Variants in VRK2 observed in about 807,000 individuals in gnomAD.
VRK2 encodes VRK serine/threonine kinase 2, also known as serine/threonine-protein kinase VRK2.
In VRK2, 60 loss-of-function variants were observed where a neutral mutation model predicts 57.6. That is an observed-to-expected ratio of 1.04 (90% CI 0.85 to 1.29). The LOEUF is 1.29. VRK2 is among the 50% of genes most tolerant of loss of function. The pLI is 0.00. For missense variants in VRK2, 705 were observed against 588.1 expected (o/e 1.20, Z -2.06); for synonymous variants, 231 against 199.2 (o/e 1.16, Z -1.35).
intron 2 of VRK2, among the ~76,000 whole-genome samples, chr2:58,082,037 C>T (rs939539875): frequency 4.0e-5 from 6 of 151,746 alleles, no homozygotes; most frequent in African/African-American, 9.7e-5. Context: ...ATGAAGCACC[C>T]GTCTCTAAGA....
At chr2:58,146,580 G>T in intron 12 of VRK2, 106 bp downstream of exon 12, 3 of 1,312,118 alleles carry the variant, frequency 2.3e-6, no homozygotes, top group Non-Finnish European at 2.0e-6. Flanking sequence ...AGGTTGTATG[G>T]TTTTGTTAAA....
At chr2:58,086,470 C>G (rs758208420) in intron 5 of VRK2, 44 bp downstream of exon 5, 2 of 1,493,516 alleles carry the variant, frequency 1.3e-6, no homozygotes, top group African/African-American at 2.9e-5. Context: ...TATAACTATT[C>G]CTTATGTGGT....
chr2:58,134,567 C>T (rs576685766), intron 9 of VRK2, among the ~76,000 whole-genome samples: 3 of 148,562 alleles, frequency 2.0e-5, no homozygotes, highest in Admixed American at 6.7e-5. Flanking sequence ...GCCGAGATTG[C>T]GCCACTGCAG....
intron 2 of VRK2, among the ~76,000 whole-genome samples, chr2:58,056,239 A>G (rs1358686700): frequency 1.3e-5 from 2 of 152,084 alleles, no homozygotes; most frequent in Non-Finnish European, 2.9e-5. Flanking sequence ...TTGCTTTTTC[A>G]CTGTGTAAAC....
At chr2:57,994,723 A>G (rs56136700) in intron 1 of VRK2, among the ~76,000 whole-genome samples, 18,554 of 152,148 alleles carry the variant, frequency 0.12, 1,201 homozygotes, top group East Asian at 0.19. Flanking sequence ...TATATCTTTC[A>G]ATATTTGCTA....
chr2:57,981,858 T>C (rs556629106), intron 1 of VRK2, among the ~76,000 whole-genome samples: 5 of 152,206 alleles, frequency 3.3e-5, no homozygotes, highest in Admixed American at 6.5e-5. Flanking sequence ...TTCCTTGCCA[T>C]CCAGATTATG....
chr2:57,981,951 A>G (rs1672435246), intron 1 of VRK2, among the ~76,000 whole-genome samples: 1 of 152,220 alleles, frequency 6.6e-6, no homozygotes, highest in African/African-American at 2.4e-5. Context: ...GGAGTAAAGA[A>G]AACACTCTGC....
In VRK2 at chr2:57,950,766, G is replaced by A. The variant is rs962028075; in HGVS notation, c.-439+42927G>A. Reference sequence around the variant, plus strand: ...CGGGGAAAATAAATTTAAAATCTCCGTAAAGGATCAACCATTCTAGACGCC... The same window carrying A: ...CGGGGAAAATAAATTTAAAATCTCCATAAAGGATCAACCATTCTAGACGCC... On this transcript the variant is annotated intron_variant, in intron 1 of 15. Transcript: ENST00000417641. 5.9e-5 allele frequency among the ~76,000 whole-genome samples: 9 copies of A among 152,120 alleles called. No homozygotes were observed. The South Asian group carries it at 6.2e-4, about 11-fold the overall frequency.
intron 1 of VRK2, among the ~76,000 whole-genome samples, chr2:57,964,879 CAAAAAAAAAAAAAAAAA>C (rs540446220): frequency 6.3e-5 from 3 of 47,866 alleles, no homozygotes; most frequent in East Asian, 7.4e-4. Context: ...GAATCCATCT[CAAAAAAAAAAAAAAAAA>C]AAAAAAAAAA....
At chr2:57,960,721 G>C (rs531629177) in intron 1 of VRK2, among the ~76,000 whole-genome samples, 1 of 152,318 alleles carries the variant, frequency 6.6e-6, no homozygotes, top group East Asian at 1.9e-4. Flanking sequence ...AAGCAAAGTA[G>C]ATTAAAGCGG....
At chr2:57,931,116 G>T (rs997438515) in intron 1 of VRK2, among the ~76,000 whole-genome samples, 4 of 152,060 alleles carry the variant, frequency 2.6e-5, no homozygotes, top group African/African-American at 9.7e-5. Context: ...GGGAATGTGG[G>T]TATCTTTTCA....
At chr2:57,984,933 T>C (rs1476582507) in intron 1 of VRK2, among the ~76,000 whole-genome samples, 2 of 151,870 alleles carry the variant, frequency 1.3e-5, no homozygotes, top group Non-Finnish European at 2.9e-5. Context: ...GAATGAACAT[T>C]TTTAAAACAT....
At chr2:57,938,432 T>C (rs938818195) in intron 1 of VRK2, among the ~76,000 whole-genome samples, 1 of 152,308 alleles carries the variant, frequency 6.6e-6, no homozygotes, top group African/African-American at 2.4e-5. Flanking sequence ...CAAAGTGGAA[T>C]ATAGTAAGTT....
chr2:58,147,622 T>C (rs1039691913), intron 12 of VRK2, among the ~76,000 whole-genome samples: 9 of 151,796 alleles, frequency 5.9e-5, no homozygotes, highest in Non-Finnish European at 1.2e-4. Context: ...GAGATACGTA[T>C]ATATAGATTT....
At chr2:58,156,121 T>A (rs1029708485) in intron 12 of VRK2, among the ~76,000 whole-genome samples, 4 of 151,956 alleles carry the variant, frequency 2.6e-5, no homozygotes, top group African/African-American at 9.7e-5. Flanking sequence ...TGCTTACTCT[T>A]TCTTGTCTAT....
chr2:58,109,335 T>C (rs761201172), intron 7 of VRK2, among the ~76,000 whole-genome samples: 2 of 151,994 alleles, frequency 1.3e-5, no homozygotes, highest in African/African-American at 2.4e-5. Context: ...AATAACTTTG[T>C]ACATTGTTAA....
intron 2 of VRK2, among the ~76,000 whole-genome samples, chr2:58,052,846 C>G (rs149509482): frequency 6.6e-6 from 1 of 152,218 alleles, no homozygotes; most frequent in East Asian, 1.9e-4. Flanking sequence ...TAATCTGCCT[C>G]AGATATTAAA....
rs562169967 is a variant in VRK2, at chr2:58,072,328, A to G, written c.137-11761A>G. ...TGATATTGAATAGAAGTGAGAGGAGACATCCTTGCTTTGTTCCCAGTCTTA... is the reference window on the plus strand; with the variant it reads ...TGATATTGAATAGAAGTGAGAGGAGGCATCCTTGCTTTGTTCCCAGTCTTA... On this transcript the variant is annotated intron_variant, in intron 2 of 12. Coordinates refer to ENST00000340157, the MANE Select transcript of VRK2 (RefSeq NM_006296.7). 1.1e-3 allele frequency among the ~76,000 whole-genome samples: 172 copies of G among 152,070 alleles called. 1 individual carries two copies. Among genetic ancestry groups the G allele is most frequent in the African/African-American group, 4.0e-3 (165 of 41,550 alleles).
At position 57,978,737 on chromosome 2, in the gene VRK2, A is replaced by T. The variant is rs192809905; in HGVS notation, c.-438-46928A>T. Among the ~76,000 whole-genome samples the T allele has an allele frequency of 1.0e-3, 151 of 145,060 alleles. 3 individuals carry two copies. Among genetic ancestry groups the T allele is most frequent in the Admixed American group, 0.01 (150 of 14,458 alleles). ...TTTTCAGCACATGCAGGTTTGTTTCATAGGTATACATGTGTCATGGTGGTT... is the reference window on the plus strand; with the variant it reads ...TTTTCAGCACATGCAGGTTTGTTTCTTAGGTATACATGTGTCATGGTGGTT... On this transcript the variant is annotated intron_variant, in intron 1 of 15. Transcript: ENST00000417641.
Sources: allele counts gnomAD v4.1 joint callset (sites outside exome capture counted in the v4.1 genomes callset), GRCh38; gene constraint gnomAD v4.1.1; transcripts MANE v1.5; gene names NCBI Gene and HGNC (gene_info 2026-07-23, HGNC 2026-07-21).